The following CNBD1 variants were observed in gnomAD, a reference collection of about 807,000 sequenced individuals.
CNBD1 encodes cyclic nucleotide-binding domain-containing protein 1.
CNBD1 carries 71 observed loss-of-function variants against 54.4 expected under a neutral mutation model. The observed-to-expected ratio is 1.30, with a 90% CI of 1.08 to 1.59. The LOEUF (loss-of-function observed/expected upper bound fraction) is 1.59, where lower values mean the gene tolerates loss of function less well. CNBD1 is among the 40% of genes most tolerant of loss of function. The pLI is 0.00. For missense variants in CNBD1, 659 were observed against 518.0 expected (o/e 1.27, Z -2.64); for synonymous variants, 182 against 170.7 (o/e 1.07, Z -0.51).
intron 1 of CNBD1, among the ~76,000 whole-genome samples, chr8:86,871,776 C>T (rs1808446603): frequency 6.6e-6 from 1 of 152,174 alleles, no homozygotes; most frequent in East Asian, 1.9e-4. Context: ...AAGAAGTCCC[C>T]AGATGCCTAG....
At chr8:87,124,560 C>T (rs1811954721) in intron 4 of CNBD1, among the ~76,000 whole-genome samples, 1 of 151,536 alleles carries the variant, frequency 6.6e-6, no homozygotes, top group Non-Finnish European at 1.5e-5. Flanking sequence ...ATTATATGAC[C>T]ATTTAATGGA....
At chr8:87,016,974 G>C (rs1333945921) in intron 4 of CNBD1, among the ~76,000 whole-genome samples, 1 of 152,162 alleles carries the variant, frequency 6.6e-6, no homozygotes, top group African/African-American at 2.4e-5. Flanking sequence ...CCCACGTCAT[G>C]GTAAATGTGG....
chr8:87,246,944 A>G (rs893761508), intron 6 of CNBD1, among the ~76,000 whole-genome samples: 1 of 152,138 alleles, frequency 6.6e-6, no homozygotes, highest in East Asian at 1.9e-4. Context: ...TCCTGGAACT[A>G]GACGGTCCCA....
intron 4 of CNBD1, among the ~76,000 whole-genome samples, chr8:86,976,187 C>CTTTTTTTTT (rs71277906): frequency 3.2e-4 from 27 of 83,478 alleles, no homozygotes; most frequent in African/African-American, 6.6e-4. Flanking sequence ...GTGCATTGAC[C>CTTTTTTTTT]TTTTTTTTTT....
chr8:87,421,227 T>A (rs1362454256), intron 2 of CNBD1, among the ~76,000 whole-genome samples: 1 of 151,918 alleles, frequency 6.6e-6, no homozygotes, highest in Non-Finnish European at 1.5e-5. Flanking sequence ...TTTCCTTTTC[T>A]TTTTTATTTT....
chr8:87,394,090 T>C (rs1811366170), intron 2 of CNBD1, among the ~76,000 whole-genome samples: 1 of 151,872 alleles, frequency 6.6e-6, no homozygotes, highest in Non-Finnish European at 1.5e-5. Context: ...ATGGACATGA[T>C]CACAGGCTAT....
intron 4 of CNBD1, among the ~76,000 whole-genome samples, chr8:87,002,611 C>T (rs1419446186): frequency 1.3e-5 from 2 of 151,588 alleles, no homozygotes; most frequent in East Asian, 3.9e-4. Flanking sequence ...TCAAATATCC[C>T]ATGCTAAGTT....
At chr8:87,424,753 C>CT (rs1563597371) in intron 2 of CNBD1, among the ~76,000 whole-genome samples, 1 of 152,098 alleles carries the variant, frequency 6.6e-6, no homozygotes, top group Non-Finnish European at 1.5e-5. Context: ...TGCCCTTAAC[C>CT]TTTTTTCCTT....
intron 4 of CNBD1, among the ~76,000 whole-genome samples, chr8:87,119,214 A>G (rs1468864230): frequency 2.0e-5 from 3 of 152,200 alleles, no homozygotes; most frequent in Non-Finnish European, 4.4e-5. Flanking sequence ...CTGATCCATG[A>G]CCATCGGATG....
chr8:86,915,183 GTCC>G (rs1352463940), intron 3 of CNBD1, among the ~76,000 whole-genome samples: 2 of 152,140 alleles, frequency 1.3e-5, no homozygotes, highest in Non-Finnish European at 2.9e-5. Context: ...GTGGGAAATG[GTCC>G]TCCTGTGTGC....
chr8:86,913,133 G>C (rs542945836), intron 3 of CNBD1, among the ~76,000 whole-genome samples: 33 of 152,136 alleles, frequency 2.2e-4, no homozygotes, highest in African/African-American at 7.7e-4. Flanking sequence ...AGGGTAATTT[G>C]TTATTGAAGA....
Position 86,866,433 on chromosome 8 carries a change from CAA to C in CNBD1, c.-61_-60del, listed in dbSNP as rs1808361375. On this transcript the variant is annotated 5_prime_UTR_variant, in exon 1 of 11. An upstream open reading frame in the 5' UTR gains an earlier in-frame stop. Transcript: ENST00000518476. Reference sequence around the variant, plus strand: ...AAGTTCTGCTTTATGAGCCTGCAGGCAAAGAGTGATCATTTGCCTCTCAAGCA... The same window carrying C: ...AAGTTCTGCTTTATGAGCCTGCAGGCAGAGTGATCATTTGCCTCTCAAGCA... 8.3e-7 allele frequency: 1 copy of C among 1,200,110 alleles called. No homozygotes were observed. 74.3% of individuals were successfully genotyped at this position (1,200,110 alleles called of 1,614,324 possible).
intron 8 of CNBD1, among the ~76,000 whole-genome samples, chr8:87,303,583 T>A (rs939904252): frequency 8.6e-5 from 13 of 151,994 alleles, no homozygotes; most frequent in African/African-American, 2.4e-4. Context: ...ATGGGCAAGG[T>A]CTTCATGTCT....
chr8:87,020,139 G>A (rs1809452548), intron 4 of CNBD1, among the ~76,000 whole-genome samples: 1 of 151,724 alleles, frequency 6.6e-6, no homozygotes, highest in African/African-American at 2.4e-5. Context: ...ACATTTTCTT[G>A]TAAATGTTAT....
chr8:86,897,795 C>T (rs374394214), intron 2 of CNBD1, among the ~76,000 whole-genome samples: 27 of 152,216 alleles, frequency 1.8e-4, no homozygotes, highest in Middle Eastern at 3.4e-3. Flanking sequence ...CATTCCAGAA[C>T]GGATAGAGAG....
chr8:87,200,407 A>G (rs1318075328), intron 4 of CNBD1, among the ~76,000 whole-genome samples: 2 of 152,186 alleles, frequency 1.3e-5, no homozygotes, highest in Admixed American at 6.5e-5. Context: ...ACGAATTTTC[A>G]TAACATACTT....
intron 4 of CNBD1, among the ~76,000 whole-genome samples, chr8:86,940,036 A>G (rs1264361731): frequency 1.3e-5 from 2 of 151,884 alleles, no homozygotes; most frequent in African/African-American, 4.8e-5. Context: ...ATATTTCAAA[A>G]TTCTGTTAAA....
intron 5 of CNBD1, among the ~76,000 whole-genome samples, chr8:87,210,448 C>T (rs1241915450): frequency 6.6e-6 from 1 of 152,180 alleles, no homozygotes; most frequent in Non-Finnish European, 1.5e-5. Flanking sequence ...GCTTCAAAGG[C>T]ATTTCAGAGA....
chr8:87,162,289 A>G (rs368061758), intron 4 of CNBD1, among the ~76,000 whole-genome samples: 12 of 152,226 alleles, frequency 7.9e-5, no homozygotes, highest in African/African-American at 2.9e-4. Context: ...TGTACATTGC[A>G]GCTAATAGTA....
Sources: gnomAD v4.1 joint callset for allele counts (sites outside exome capture counted in the v4.1 genomes callset) on GRCh38, gnomAD v4.1.1 for gene constraint, MANE v1.5 for transcripts, NCBI Gene and HGNC (gene_info 2026-07-23, HGNC 2026-07-21) for gene names.